Variants in DOCK2 observed in about 807,000 individuals in gnomAD.
DOCK2 encodes dedicator of cytokinesis protein 2.
In DOCK2, 87 loss-of-function variants were observed where a neutral mutation model predicts 248.9. The observed-to-expected ratio is 0.35, with a 90% CI of 0.29 to 0.42. The LOEUF (loss-of-function observed/expected upper bound fraction) is 0.42, where lower values mean the gene tolerates loss of function less well. Among genes scored for constraint, DOCK2 ranks in the 10% least tolerant of loss-of-function variants. The pLI is 1.00. For synonymous variants in DOCK2, 805 were observed against 821.6 expected, an observed-to-expected ratio of 0.98 and a Z score of 0.35; for missense variants, 1,747 against 2,300.2, an observed-to-expected ratio of 0.76 and a Z score of 4.92.
intron 22 of DOCK2, among the ~76,000 whole-genome samples, chr5:169,728,359 A>G (rs1474872802): frequency 1.3e-5 from 2 of 152,214 alleles, no homozygotes; most frequent in African/African-American, 4.8e-5. Flanking sequence ...ATTTGAAGCT[A>G]TAGCACAAGG....
chr5:169,693,687 CA>C (rs1442731631), intron 9 of DOCK2, among the ~76,000 whole-genome samples: 3 of 152,110 alleles, frequency 2.0e-5, no homozygotes, highest in Non-Finnish European at 4.4e-5. Context: ...GCCTGAAAAG[CA>C]GATGTCCATT....
chr5:169,853,856 G>GA (rs1770750835), intron 27 of DOCK2, among the ~76,000 whole-genome samples: 1 of 75,124 alleles, frequency 1.3e-5, no homozygotes, highest in African/African-American at 6.2e-5. Context: ...TTTTGTGGTA[G>GA]ACAGAGTCTC....
intron 27 of DOCK2, among the ~76,000 whole-genome samples, chr5:169,920,898 C>T (rs969066497): frequency 3.3e-5 from 5 of 152,216 alleles, no homozygotes; most frequent in Middle Eastern, 3.4e-3. Flanking sequence ...CAGTTGTTTT[C>T]CTAGAGATCA....
intron 10 of DOCK2, among the ~76,000 whole-genome samples, chr5:169,696,919 A>G (rs1777766891): frequency 6.6e-6 from 1 of 152,066 alleles, no homozygotes; most frequent in African/African-American, 2.4e-5. Flanking sequence ...ATTATGTGCA[A>G]AATGAAGGAC....
intron 33 of DOCK2, among the ~76,000 whole-genome samples, chr5:170,023,660 C>G (rs1207184007): frequency 1.3e-5 from 2 of 152,172 alleles, no homozygotes; most frequent in African/African-American, 2.4e-5. Context: ...TCCAGACACC[C>G]CTTCTCACGT....
Position 169,700,176 on chromosome 5 carries a change from T to C in DOCK2, c.1258+37T>C, listed in dbSNP as rs373078519. 47 of 1,601,918 alleles carry C rather than the reference T, an allele frequency of 2.9e-5. 1 individual carries two copies. The South Asian group carries it at 3.7e-4, about 13-fold the overall frequency. On this transcript the variant is annotated intron_variant, in intron 13 of 51. Coordinates refer to ENST00000520908, the MANE Select transcript of DOCK2 (RefSeq NM_004946.3). ...CTGCTCTGACCTTCCCCTGGGGACA[T>C]AGGGGCCAATTCAGCTTGTCTAATT...
At chr5:169,645,219 C>T (rs1757391062) in intron 1 of DOCK2, among the ~76,000 whole-genome samples, 1 of 152,108 alleles carries the variant, frequency 6.6e-6, no homozygotes, top group African/African-American at 2.4e-5. Flanking sequence ...GAATTGTTTT[C>T]CACAATAGTT....
At position 169,695,778 on chromosome 5, in the gene DOCK2, C is replaced by T; in HGVS notation, c.844-25C>T. On this transcript the variant is annotated intron_variant, in intron 9 of 51. Transcript: ENST00000520908. ...TTTCCCCCATTCAGCACATGATGGT[C>T]AATTTTTTGTTTCTTTCCCCCCAGG... 1.2e-6 allele frequency: 2 copies of T among 1,612,218 alleles called. 1 individual carries two copies. The highest frequency in any genetic ancestry group is 2.2e-5 in the South Asian group (2 of 90,648).
intron 30 of DOCK2, among the ~76,000 whole-genome samples, chr5:170,002,235 C>A (rs573777555): frequency 5.3e-3 from 280 of 53,270 alleles, no homozygotes; most frequent in African/African-American, 0.036. Flanking sequence ...CTGTTGCTAG[C>A]GAAAAAAAAA....
Position 169,718,895 on chromosome 5 carries a change from C to G in DOCK2, c.2267+104C>G, listed in dbSNP as rs955009811. The G allele has an allele frequency of 2.1e-6, 3 of 1,447,002 alleles. No homozygotes were observed. The African/African-American group carries it at 4.2e-5, about 20-fold the overall frequency. The allele number at this position is 1,447,002 out of a possible 1,614,324, so 89.6% of individuals were successfully genotyped here. On this transcript the variant is annotated intron_variant, in intron 22 of 51. Coordinates refer to ENST00000520908, the MANE Select transcript of DOCK2 (RefSeq NM_004946.3). ...AACTCGTTTAAAAAATTATAACCAGCTGTCGATCAAAAACAGCTCAAGAAT... is the reference window on the plus strand; with the variant it reads ...AACTCGTTTAAAAAATTATAACCAGGTGTCGATCAAAAACAGCTCAAGAAT...
intron 27 of DOCK2, among the ~76,000 whole-genome samples, chr5:169,968,576 G>A (rs17670683): frequency 0.23 from 34,589 of 152,112 alleles, 4,896 homozygotes; most frequent in Non-Finnish European, 0.32. Context: ...TATGGAGTTC[G>A]TGCAGATACT....
At chr5:169,844,360 G>A (rs373646119) in intron 27 of DOCK2, among the ~76,000 whole-genome samples, 10 of 152,280 alleles carry the variant, frequency 6.6e-5, no homozygotes, top group African/African-American at 2.4e-4. Flanking sequence ...TAATTTTCTG[G>A]TGCTTTGCCT....
At chr5:169,893,137 GGGGAATC>G (rs1164125656) in intron 27 of DOCK2, among the ~76,000 whole-genome samples, 1 of 152,198 alleles carries the variant, frequency 6.6e-6, no homozygotes, top group African/African-American at 2.4e-5. Context: ...TGTCAAGGGT[GGGGAATC>G]AGCATCTCTT....
rs75976522 is a variant in DOCK2 at position 169,752,583 on chromosome 5, TA to T, written c.2376+5092del. ...GTGAGACCCTGTCTCGACAAAAAATTAAAAAAAAAAAAATTAGCTAGGCATG... is the reference window on the plus strand; with the variant it reads ...GTGAGACCCTGTCTCGACAAAAAATTAAAAAAAAAAAATTAGCTAGGCATG... On this transcript the variant is annotated intron_variant, in intron 23 of 51. Coordinates refer to ENST00000520908, the MANE Select transcript of DOCK2 (RefSeq NM_004946.3). 6.1e-3 allele frequency among the ~76,000 whole-genome samples: 803 copies of T among 132,146 alleles called. 10 individuals are homozygous for T. Among genetic ancestry groups the T allele is most frequent in the South Asian group, 0.028 (119 of 4,310 alleles). The allele number at this position is 132,146 out of a possible 152,430, so 86.7% of individuals were successfully genotyped here.
intron 27 of DOCK2, among the ~76,000 whole-genome samples, chr5:169,907,079 A>G (rs1304712627): frequency 6.6e-6 from 1 of 152,188 alleles, no homozygotes; most frequent in African/African-American, 2.4e-5. Context: ...GATGCCAAAC[A>G]TAAATATGAG....
chr5:169,913,790 G>A lies in DOCK2; in HGVS notation c.2800-69278G>A, dbSNP rs1774730836. 2.0e-5 allele frequency among the ~76,000 whole-genome samples: 3 copies of A among 152,150 alleles called. 1 individual carries two copies. The South Asian group carries it at 6.2e-4, about 32-fold the overall frequency. Reference sequence around the variant, plus strand: ...TAACCCTCTTATTTTTGATCAATGAGGAATTAGATGCTTCGCTATTAGAAT... The same window carrying A: ...TAACCCTCTTATTTTTGATCAATGAAGAATTAGATGCTTCGCTATTAGAAT... On this transcript the variant is annotated intron_variant, in intron 27 of 51. Transcript: ENST00000520908.
chr5:169,772,822 A>G (rs1384651657), intron 25 of DOCK2: 1 of 152,202 alleles, frequency 6.6e-6, no homozygotes, highest in African/African-American at 2.4e-5. Context: ...ATCCTGCCTC[A>G]GCTGGGGGCA....
chr5:169,678,464 A>G (rs900613316), intron 6 of DOCK2, among the ~76,000 whole-genome samples: 11 of 152,070 alleles, frequency 7.2e-5, no homozygotes, highest in African/African-American at 2.7e-4. Flanking sequence ...GGGTTTCACC[A>G]GTCTCTACCA....
rs534921889 is a variant in DOCK2, at chr5:170,077,529, G to A, written c.4867-181G>A. Among the ~76,000 whole-genome samples the A allele has an allele frequency of 2.0e-5, 3 of 152,290 alleles. No homozygotes were observed. In the South Asian group the frequency reaches 6.2e-4, roughly 32 times the overall value. On this transcript the variant is annotated intron_variant, in intron 47 of 51. Transcript: ENST00000520908. ...TTACCTTCCAGGAACCAGGAGTAAA[G>A]GTCATCCACATTCTTCATTCTACAA...
Sources: gnomAD v4.1 joint callset for allele counts (sites outside exome capture counted in the v4.1 genomes callset) on GRCh38, gnomAD v4.1.1 for gene constraint, MANE v1.5 for transcripts, NCBI Gene and HGNC (gene_info 2026-07-23, HGNC 2026-07-21) for gene names.